The following DMD variants were observed in gnomAD, a reference collection of about 807,000 sequenced individuals.
DMD encodes dystrophin.
In DMD, 63 loss-of-function variants were observed where a neutral mutation model predicts 330.1. That is an observed-to-expected ratio of 0.19 (90% CI 0.16 to 0.24). The LOEUF is 0.24. Among genes scored for constraint, DMD ranks in the 10% least tolerant of loss-of-function variants. The probability of loss-of-function intolerance (pLI) is 1.00; values close to 1 mark genes in which losing one functional copy is unlikely to be tolerated. For synonymous variants in DMD, 1,223 were observed against 959.8 expected, an observed-to-expected ratio of 1.27 and a Z score of -5.07; for missense variants, 3,344 against 2,684.1, an observed-to-expected ratio of 1.25 and a Z score of -5.43.
At chrX:32,717,695 C>T (rs2065873691) in intron 7 of DMD, among the ~76,000 whole-genome samples, 1 of 110,902 alleles carries the variant, frequency 9.0e-6, no homozygotes, top group Admixed American at 9.6e-5. Flanking sequence ...TGACAGTTTG[C>T]ACCATACACC....
chrX:32,696,663 C>A (rs1036355730), intron 9 of DMD, among the ~76,000 whole-genome samples: 5 of 111,004 alleles, frequency 4.5e-5, no homozygotes, highest in Non-Finnish European at 9.4e-5. Context: ...CTAGAAAAGG[C>A]AGCTCAATAA....
At chrX:32,528,393 G>A (rs1437637531) in intron 17 of DMD, among the ~76,000 whole-genome samples, 6 of 111,990 alleles carry the variant, frequency 5.4e-5, no homozygotes, top group Non-Finnish European at 9.4e-5. Context: ...TATCTTTCTG[G>A]TATTTTCTTG....
chrX:31,918,723 C>T (rs1222688774), intron 47 of DMD, among the ~76,000 whole-genome samples: 3 of 109,935 alleles, frequency 2.7e-5, no homozygotes, highest in Admixed American at 9.7e-5. Flanking sequence ...CTGCAACCTC[C>T]GCCTCCTGGG....
intron 47 of DMD, among the ~76,000 whole-genome samples, chrX:31,922,525 T>TGTGCGCGCGC (rs773093542): frequency 9.4e-6 from 1 of 106,361 alleles, no homozygotes; most frequent in Admixed American, 1.0e-4. Context: ...TGTGTGTGTG[T>TGTGCGCGCGC]GCGCGCGCGT....
rs192359326 is a variant in DMD at position 32,777,541 on chromosome X, A to G, written c.649+31952T>C. Among the ~76,000 whole-genome samples the G allele has an allele frequency of 4.5e-5, 5 of 110,367 alleles. No individual in the cohort carries two copies. In the East Asian group the frequency reaches 1.4e-3, roughly 32 times the overall value. ...TTGGGGAAAGTTATGCTTCCTTCAG[A>G]TGGGGTGATTAGAATAAACAAGAAT... On this transcript the variant is annotated intron_variant, in intron 7 of 78. Transcript: ENST00000357033.
chrX:31,219,155 A>G (rs920973722), intron 64 of DMD, among the ~76,000 whole-genome samples: 1 of 110,226 alleles, frequency 9.1e-6, no homozygotes, highest in African/African-American at 3.3e-5. Flanking sequence ...TCATCCCTCT[A>G]CCTCCTAATT....
At chrX:32,442,727 T>C (rs774121930) in intron 27 of DMD, among the ~76,000 whole-genome samples, 1 of 109,324 alleles carries the variant, frequency 9.1e-6, no homozygotes, top group South Asian at 3.9e-4. Context: ...TTTGTAGTAA[T>C]CAAAAAAAAG....
Position 32,036,762 on chromosome X carries a change from G to C in DMD, c.6439-68248C>G, listed in dbSNP as rs187219665. Reference sequence around the variant, plus strand: ...CATAATGTCAAGTAAGAGGAAAAGAGGTCCTAGATCAAAACTATGAAGGAT... The same window carrying C: ...CATAATGTCAAGTAAGAGGAAAAGACGTCCTAGATCAAAACTATGAAGGAT... On this transcript the variant is annotated intron_variant, in intron 44 of 78. Transcript: ENST00000357033. Among the ~76,000 whole-genome samples the C allele has an allele frequency of 1.6e-4, 18 of 111,865 alleles. No individual in the cohort carries two copies. The East Asian group carries it at 4.5e-3, about 28-fold the overall frequency.
At chrX:32,802,041 G>C (rs953107877) in intron 7 of DMD, among the ~76,000 whole-genome samples, 2 of 111,828 alleles carry the variant, frequency 1.8e-5, no homozygotes, top group East Asian at 2.8e-4. Context: ...TTCTAATTCT[G>C]TGAAGAAAGT....
intron 55 of DMD, among the ~76,000 whole-genome samples, chrX:31,529,447 G>A (rs1298335956): frequency 2.7e-5 from 3 of 111,100 alleles, no homozygotes; most frequent in Non-Finnish European, 5.7e-5. Flanking sequence ...GAATAACAGG[G>A]ATAAACTGGG....
At chrX:32,709,286 A>G (rs1334478366) in intron 7 of DMD, among the ~76,000 whole-genome samples, 1 of 112,155 alleles carries the variant, frequency 8.9e-6, no homozygotes, top group Non-Finnish European at 1.9e-5. Flanking sequence ...GTACAAGTGA[A>G]AAAGAGAGTA....
chrX:32,142,830 C>T (rs1396918076), intron 44 of DMD, among the ~76,000 whole-genome samples: 1 of 112,173 alleles, frequency 8.9e-6, no homozygotes, highest in Non-Finnish European at 1.9e-5. Context: ...TAGTTATAGT[C>T]ATAAACACTA....
At chrX:31,122,961 C>A (rs750262949) in intron 78 of DMD, among the ~76,000 whole-genome samples, 13 of 111,772 alleles carry the variant, frequency 1.2e-4, no homozygotes, top group Non-Finnish European at 2.4e-4. Context: ...TAAATCCTTC[C>A]ACTATTCAAG....
intron 55 of DMD, among the ~76,000 whole-genome samples, chrX:31,571,985 G>C (rs1037907071): frequency 1.8e-5 from 2 of 111,091 alleles, no homozygotes; most frequent in Non-Finnish European, 3.8e-5. Context: ...TCTTTTAAAA[G>C]AGATGCCGGG....
intron 30 of DMD, among the ~76,000 whole-genome samples, chrX:32,408,890 ATC>A (rs2098130252): frequency 9.3e-6 from 1 of 107,435 alleles, no homozygotes; most frequent in Non-Finnish European, 1.9e-5. Flanking sequence ...CTATCTATCT[ATC>A]TATCTATCTA....
chrX:32,123,065 C>T (rs1406440661), intron 44 of DMD, among the ~76,000 whole-genome samples: 1 of 105,733 alleles, frequency 9.5e-6, no homozygotes, highest in Non-Finnish European at 1.9e-5. Flanking sequence ...AGATTACAGC[C>T]TCTGGTCCCC....
intron 2 of DMD, among the ~76,000 whole-genome samples, chrX:32,955,574 G>A (rs1273565121): frequency 1.8e-5 from 2 of 111,564 alleles, no homozygotes; most frequent in Non-Finnish European, 3.8e-5. Context: ...TGCTTTTGTT[G>A]CAATTGCTTT....
chrX:31,630,006 T>G (rs2079051361), intron 54 of DMD, among the ~76,000 whole-genome samples: 1 of 112,570 alleles, frequency 8.9e-6, no homozygotes. Context: ...GAATGTAATA[T>G]TGTGCATTTT....
chrX:32,067,943 C>G (rs1214346759), intron 44 of DMD, among the ~76,000 whole-genome samples: 2 of 111,928 alleles, frequency 1.8e-5, no homozygotes, highest in African/African-American at 6.5e-5. Context: ...CTGCTTTCTA[C>G]AGTGGCTGAA....
Sources: gnomAD v4.1 joint callset for allele counts (sites outside exome capture counted in the v4.1 genomes callset) on GRCh38, gnomAD v4.1.1 for gene constraint, MANE v1.5 for transcripts, NCBI Gene and HGNC (gene_info 2026-07-23, HGNC 2026-07-21) for gene names.